TNIP1: variants seen among roughly 807,000 people sequenced by gnomAD.
The protein encoded by TNIP1 is TNFAIP3-interacting protein 1.
A neutral mutation model predicts 86.6 loss-of-function variants in TNIP1; 22 were observed. The ratio of observed to expected loss-of-function variants is 0.25; its 90% confidence interval spans 0.18 to 0.36. The LOEUF is 0.36. Among genes scored for constraint, TNIP1 ranks in the 10% least tolerant of loss-of-function variants. The pLI, the probability that TNIP1 is intolerant of heterozygous loss-of-function variation, is 1.00. For missense variants in TNIP1, 709 were observed against 820.6 expected, an observed-to-expected ratio of 0.86 and a Z score of 1.66; for synonymous variants, 294 against 313.0, an observed-to-expected ratio of 0.94 and a Z score of 0.64.
At chr5:151,035,090 A>G (rs753233103) in intron 14 of TNIP1, 23 bp from the exon 15 acceptor site, 2 of 1,611,080 alleles carry the variant, frequency 1.2e-6, no homozygotes, top group Non-Finnish European at 1.7e-6. Flanking sequence ...GGGAGGGAGA[A>G]AAGACTGTCG....
At chr5:151,042,796 G>C in intron 10 of TNIP1, 100 bp downstream of exon 10, 2 of 1,595,732 alleles carry the variant, frequency 1.3e-6, no homozygotes, top group Non-Finnish European at 1.7e-6. Flanking sequence ...GGCCATACTG[G>C]GGCTCAGCGT....
Position 151,033,788 on chromosome 5 carries a change from C to G in TNIP1, c.1599G>C (p.Glu533Asp), listed in dbSNP as rs200826999. 2 of 1,370,500 alleles carry G rather than the reference C, an allele frequency of 1.5e-6. No homozygotes were observed. Among genetic ancestry groups the G allele is most frequent in the Admixed American group, 2.9e-5 (1 of 34,192 alleles). 84.9% of individuals were successfully genotyped at this position (1,370,500 alleles called of 1,614,324 possible). A position where few individuals can be genotyped will look rare whatever the true frequency, so the allele number is the denominator to read the frequency against. The change falls in exon 16 of 18, where the codon GAG becomes GAC. Residue 533 changes from glutamate to aspartate, a missense_variant. By Grantham distance (45) the Glu-to-Asp change is conservative (BLOSUM62 2). Transcript: ENST00000521591. ...QQKRKAKASGERYHVEPHPEH... is the reference protein window; with the variant it reads ...QQKRKAKASGDRYHVEPHPEH... ...CTGGGTGGGGCTCCACATGGTAACG[C>G]TCTCCTGAGGCCTGCAAGAAAGGCT...
intron 1 of TNIP1, among the ~76,000 whole-genome samples, chr5:151,079,395 G>A (rs1242915372): frequency 2.0e-5 from 3 of 152,264 alleles, no homozygotes; most frequent in African/African-American, 4.8e-5. Context: ...AGGCTGAGAC[G>A]GGCGGATCAC....
chr5:151,074,537 C>G (rs988902779), intron 1 of TNIP1, among the ~76,000 whole-genome samples: 5 of 152,138 alleles, frequency 3.3e-5, no homozygotes, highest in Admixed American at 1.3e-4. Context: ...AAGTAGGAAC[C>G]ATAGAGTTCT....
At chr5:151,050,153 G>C (rs1759719242) in intron 7 of TNIP1, among the ~76,000 whole-genome samples, 1 of 152,158 alleles carries the variant, frequency 6.6e-6, no homozygotes, top group African/African-American at 2.4e-5. Flanking sequence ...GTCAATGGCA[G>C]GGTTTCCCCA....
chr5:151,063,495 T>C, intron 3 of TNIP1, 118 bp downstream of exon 3: 1 of 1,442,920 alleles, frequency 6.9e-7, no homozygotes, highest in Non-Finnish European at 9.5e-7. Context: ...AAGGGTAGCC[T>C]GTGACCTAAG....
At chr5:151,044,228 G>C (rs1287964153) in intron 9 of TNIP1, among the ~76,000 whole-genome samples, 1 of 152,062 alleles carries the variant, frequency 6.6e-6, no homozygotes, top group Non-Finnish European at 1.5e-5. Flanking sequence ...TTTTTGTAGA[G>C]ACAGGGTCTT....
chr5:151,046,189 T>G, intron 8 of TNIP1: 1 of 530,636 alleles, frequency 1.9e-6, no homozygotes, highest in Admixed American at 3.3e-5. Context: ...TCCCCTTCCC[T>G]TCTCCCCTCC....
At chr5:151,069,778 A>G (rs559086926) in intron 1 of TNIP1, among the ~76,000 whole-genome samples, 4 of 152,184 alleles carry the variant, frequency 2.6e-5, no homozygotes, top group African/African-American at 4.8e-5. Context: ...TCTAGTGTCT[A>G]CTCTGCTGTG....
In TNIP1 at chr5:151,042,549, T is replaced by C. The variant is rs747562641; in HGVS notation, c.1125A>G (p.Glu375=). The C allele has an allele frequency of 6.2e-7, 1 of 1,612,878 alleles. No individual in the cohort carries two copies. Residue 375 remains glutamate (E), a synonymous_variant, in exon 11 of 18, where the codon GAA becomes GAG. Transcript: ENST00000521591. The stretch of plus-strand genomic sequence containing the variant: ...CAGCAGTCACACTTGCCTCCTCCAT[T>C]TCAATCTTGGACTTGGCCAGGAGGA... The part of the protein sequence containing the change: ...RKLLLAKSKI[E]MEETDKEQLT...
rs72790121 is a variant in TNIP1 at position 151,075,426 on chromosome 5, G to A, written c.-37+5454C>T. 4.5e-3 allele frequency among the ~76,000 whole-genome samples: 683 copies of A among 152,200 alleles called. 1 individual carries two copies. The highest frequency in any genetic ancestry group is 6.5e-3 in the Admixed American group (99 of 15,284). ...TACCTGGGTATACTGCGTGATTTGG[G>A]TAGGGGTGATCCCATCACCTGGGTA... On this transcript the variant is annotated intron_variant, in intron 1 of 17. Transcript: ENST00000521591.
chr5:151,073,077 C>A (rs1013856369), intron 1 of TNIP1, among the ~76,000 whole-genome samples: 10 of 152,036 alleles, frequency 6.6e-5, no homozygotes, highest in Non-Finnish European at 7.4e-5. Context: ...CAAAAATTAG[C>A]CAGGTGTGGT....
At chr5:151,064,648 G>A (rs1215117596) in intron 2 of TNIP1, among the ~76,000 whole-genome samples, 1 of 152,170 alleles carries the variant, frequency 6.6e-6, no homozygotes, top group Non-Finnish European at 1.5e-5. Flanking sequence ...CCAGAAAGAG[G>A]AGACCACTCT....
intron 1 of TNIP1, among the ~76,000 whole-genome samples, chr5:151,071,176 A>G (rs959859323): frequency 6.6e-6 from 1 of 152,192 alleles, no homozygotes; most frequent in African/African-American, 2.4e-5. Flanking sequence ...AGGTTCACAC[A>G]TGAGTGAGGA....
upstream of TNIP1, among the ~76,000 whole-genome samples, chr5:151,081,756 C>T (rs113709739): frequency 3.2e-4 from 48 of 152,240 alleles, no homozygotes; most frequent in African/African-American, 1.2e-3. Context: ...AGATTCAAAC[C>T]CGGGTGGGCA....
intron 5 of TNIP1, among the ~76,000 whole-genome samples, chr5:151,057,915 A>C (rs928378407): frequency 1.3e-5 from 2 of 152,126 alleles, no homozygotes; most frequent in African/African-American, 2.4e-5. Flanking sequence ...CAGGGACTTG[A>C]GCATCCATGG....
chr5:151,051,814 C>G (rs1008513812), intron 7 of TNIP1, among the ~76,000 whole-genome samples: 2 of 152,156 alleles, frequency 1.3e-5, no homozygotes, highest in Non-Finnish European at 2.9e-5. Flanking sequence ...GAAGACAGAG[C>G]AGGTTGGGAT....
intron 1 of TNIP1, among the ~76,000 whole-genome samples, chr5:151,086,612 C>T (rs1055826217): frequency 6.6e-6 from 1 of 152,142 alleles, no homozygotes; most frequent in East Asian, 1.9e-4. Flanking sequence ...CACACAGTCA[C>T]CAACTTACAC....
At chr5:151,071,829 C>T (rs1005997649) in intron 1 of TNIP1, among the ~76,000 whole-genome samples, 2 of 152,116 alleles carry the variant, frequency 1.3e-5, no homozygotes, top group South Asian at 2.1e-4. Flanking sequence ...ACTCAGCCTC[C>T]GAGGCCCAGA....
Sources: allele counts gnomAD v4.1 joint callset (sites outside exome capture counted in the v4.1 genomes callset), GRCh38; gene constraint gnomAD v4.1.1; transcripts MANE v1.5; gene names NCBI Gene and HGNC (gene_info 2026-07-23, HGNC 2026-07-21).